ELK1: variants seen among roughly 807,000 people sequenced by gnomAD.
ELK1 encodes ETS domain-containing protein Elk-1.
For synonymous variants in ELK1, 163 were observed against 176.3 expected (o/e 0.92, Z 0.60); for missense variants, 254 against 381.5 (o/e 0.67, Z 2.78).
chrX:47,638,143 C>T lies in ELK1; in HGVS notation c.694G>A (p.Glu232Lys). The T allele has an allele frequency of 8.3e-7, 1 of 1,210,460 alleles. No individual in the cohort carries two copies. The highest frequency in any genetic ancestry group is 1.1e-6 in the Non-Finnish European group (1 of 894,913). Residue 232 changes from glutamate to lysine, a missense_variant, in exon 5 of 7, where the codon GAA becomes AAA. Physicochemically the swap from Glu to Lys is moderately conservative, Grantham distance 56. Coordinates refer to ENST00000376983, the MANE Select transcript of ELK1 (RefSeq NM_001114123.3). Reference sequence around the variant, plus strand: ...AAACCCGGCTCCACATTAAGCTCTTCCGATTTCAGGTTTGGGGCCTCGGGC... The same window carrying T: ...AAACCCGGCTCCACATTAAGCTCTTTCGATTTCAGGTTTGGGGCCTCGGGC... ...TPPEAPNLKS[E>K]ELNVEPGLGR...
chrX:47,638,266 C>T (rs897178212), intron 4 of ELK1, 84 bp from the exon 5 acceptor site: 4 of 1,105,353 alleles, frequency 3.6e-6, no homozygotes, highest in South Asian at 2.0e-5. Context: ...GTGATTTCCC[C>T]GGGAAGGTGG....
At chrX:47,646,329 G>GT (rs1029402226) in intron 2 of ELK1, among the ~76,000 whole-genome samples, 13 of 110,604 alleles carry the variant, frequency 1.2e-4, no homozygotes, top group African/African-American at 3.3e-4. Context: ...TATTTTTTGG[G>GT]TTTTTTTTCG....
At chrX:47,637,435 T>A (rs1432349513) in intron 5 of ELK1, among the ~76,000 whole-genome samples, 1 of 110,366 alleles carries the variant, frequency 9.1e-6, no homozygotes, top group Non-Finnish European at 1.9e-5. Flanking sequence ...AACTTCCAAC[T>A]CATGTCCCAC....
chrX:47,644,178 GTTC>G (rs933869326), intron 2 of ELK1, among the ~76,000 whole-genome samples: 3 of 111,983 alleles, frequency 2.7e-5, no homozygotes, highest in African/African-American at 9.8e-5. Flanking sequence ...AATTTTACCA[GTTC>G]TTCTTTCAGC....
intron 5 of ELK1, among the ~76,000 whole-genome samples, chrX:47,637,433 A>T (rs1431905979): frequency 2.1e-4 from 23 of 110,025 alleles, no homozygotes; most frequent in Non-Finnish European, 3.8e-5. Context: ...TCAACTTCCA[A>T]CTCATGTCCC....
chrX:47,637,788 G>C lies in ELK1; in HGVS notation c.1049C>G (p.Pro350Arg). Residue 350 changes from proline to arginine, a missense_variant, in exon 5 of 7, where the codon CCG becomes CGG. Transcript: ENST00000376983. ...GSGSGLQAPG[P>R]ALTPSLLPTH... is the part of the protein sequence containing the mutation. The stretch of plus-strand genomic sequence containing the variant: ...AGGAAGCAGGGATGGGGTCAGCGCC[G>C]GCCCCGGAGCCTGGAGGCCGGAGCC... The C allele has an allele frequency of 8.4e-7, 1 of 1,195,887 alleles. No homozygotes were observed.
At position 47,639,252 on chromosome X, in the gene ELK1, G is replaced by A; in HGVS notation, c.297C>T (p.Cys99=). ...TAACAGACACCTCTGGCTGGGGCGG[G>A]CAGTCCTCAGTGGAGCACCCTGCGA... is the stretch of plus-strand genomic sequence containing the variant. ...PEVAGCSTED[C]PPQPEVSVTS... is the part of the protein sequence containing the mutation. The change falls in exon 4 of 7, where the codon TGC becomes TGT. Residue 99 remains cysteine (C), a synonymous_variant. Coordinates refer to ENST00000376983, the MANE Select transcript of ELK1 (RefSeq NM_001114123.3). 8.3e-7 allele frequency: 1 copy of A among 1,210,259 alleles called. No homozygotes were observed. The highest frequency in any genetic ancestry group is 1.1e-6 in the Non-Finnish European group (1 of 894,835).
intron 2 of ELK1, among the ~76,000 whole-genome samples, chrX:47,645,660 G>T (rs760607503): frequency 1.8e-5 from 2 of 112,273 alleles, no homozygotes; most frequent in South Asian, 7.4e-4. Flanking sequence ...CGGAGCGAAC[G>T]GCGTGTACAA....
intron 2 of ELK1, among the ~76,000 whole-genome samples, chrX:47,642,171 G>T (rs781190449): frequency 1.1e-4 from 12 of 112,098 alleles, no homozygotes; most frequent in Non-Finnish European, 2.3e-4. Context: ...TGAATGAGCA[G>T]GAAATGGATT....
chrX:47,642,663 A>G, intron 2 of ELK1, among the ~76,000 whole-genome samples: 1 of 107,939 alleles, frequency 9.3e-6, no homozygotes, highest in East Asian at 2.9e-4. Flanking sequence ...TAGTGGCACA[A>G]TCTTGACTCA....
chrX:47,637,195 C>A (rs1373626868), intron 5 of ELK1, 81 bp from the exon 6 acceptor site: 1 of 958,939 alleles, frequency 1.0e-6, no homozygotes, highest in African/African-American at 2.0e-5. Flanking sequence ...CCGGCCCCAC[C>A]ACAGATTTCC....
intron 1 of ELK1, 29 bp from the exon 2 acceptor site, chrX:47,650,055 C>T (rs2058056127): frequency 1.0e-5 from 1 of 95,248 alleles, no homozygotes; most frequent in Non-Finnish European, 2.0e-5. Context: ...CTCAGATACA[C>T]CTACTATTAA....
rs1490617271 is a variant in ELK1 at position 47,635,826 on chromosome X, G to C, written c.*1003C>G. ...CTTTGTACCCGCCCGCAGGAAATTGGGGGGCTGGGAGGGAGGGAACTGAAA... is the reference window on the plus strand; with the variant it reads ...CTTTGTACCCGCCCGCAGGAAATTGCGGGGCTGGGAGGGAGGGAACTGAAA... On this transcript the variant is annotated 3_prime_UTR_variant, in exon 7 of 7. Coordinates refer to ENST00000376983, the MANE Select transcript of ELK1 (RefSeq NM_001114123.3). 4 of 111,229 alleles carry C rather than the reference G, an allele frequency of 3.6e-5. No individual in the cohort carries two copies. Among genetic ancestry groups the C allele is most frequent in the African/African-American group, 1.3e-4 (4 of 30,382 alleles). 9.2% of individuals were successfully genotyped at this position (111,229 alleles called of 1,213,427 possible). A position where few individuals can be genotyped will look rare whatever the true frequency, so the allele number is the denominator to read the frequency against.
intron 2 of ELK1, among the ~76,000 whole-genome samples, chrX:47,647,926 CT>C (rs1194789075): frequency 8.9e-6 from 1 of 112,180 alleles, no homozygotes; most frequent in African/African-American, 3.2e-5. Flanking sequence ...GAGGGGTTGA[CT>C]TTTTTTGTTT....
chrX:47,646,124 G>A (rs1223461868), intron 2 of ELK1, among the ~76,000 whole-genome samples: 2 of 109,493 alleles, frequency 1.8e-5, no homozygotes, highest in Admixed American at 9.7e-5. Flanking sequence ...TTTTTTTTTT[G>A]TTTTTACAAG....
At chrX:47,640,755 A>G (rs1259855137) in intron 3 of ELK1, among the ~76,000 whole-genome samples, 1 of 111,836 alleles carries the variant, frequency 8.9e-6, no homozygotes, top group Non-Finnish European at 1.9e-5. Flanking sequence ...GGACGAAGTA[A>G]GCAAAAGTTG....
chrX:47,638,302 A>G (rs2058016764), intron 4 of ELK1, 120 bp from the exon 5 acceptor site: 1 of 873,232 alleles, frequency 1.1e-6, no homozygotes, highest in Non-Finnish European at 1.6e-6. Flanking sequence ...GCATGACTGC[A>G]CATCAGAGCA....
At chrX:47,647,101 G>T (rs2147945395) in intron 2 of ELK1, among the ~76,000 whole-genome samples, 2 of 108,607 alleles carry the variant, frequency 1.8e-5, no homozygotes, top group East Asian at 2.9e-4. Context: ...CTCAGCATTT[G>T]TCTATTATGC....
In ELK1 at chrX:47,636,726, A is replaced by C; in HGVS notation, c.*103T>G. 1.2e-6 allele frequency: 1 copy of C among 810,040 alleles called. No individual in the cohort carries two copies. Among genetic ancestry groups the C allele is most frequent in the East Asian group, 3.5e-5 (1 of 28,674 alleles). 66.8% of individuals were successfully genotyped at this position (810,040 alleles called of 1,213,427 possible). A position where few individuals can be genotyped will look rare whatever the true frequency, so the allele number is the denominator to read the frequency against. ...AGGATCCCCACCCCACCACAATCAG[A>C]GCATGAGTCTTTCAGTTGAACTATG... On this transcript the variant is annotated 3_prime_UTR_variant, in exon 7 of 7. Transcript: ENST00000376983.
Sources: allele counts gnomAD v4.1 joint callset (sites outside exome capture counted in the v4.1 genomes callset), GRCh38; gene constraint gnomAD v4.1.1; transcripts MANE v1.5; gene names NCBI Gene and HGNC (gene_info 2026-07-23, HGNC 2026-07-21).